The following NPAS3 variants were observed in gnomAD, a reference collection of about 807,000 sequenced individuals.
The protein encoded by NPAS3 is neuronal PAS domain protein 3.
A neutral mutation model predicts 73.1 loss-of-function variants in NPAS3; 14 were observed. The ratio of observed to expected loss-of-function variants is 0.19; its 90% CI spans 0.13 to 0.30. NPAS3 has a LOEUF of 0.30. NPAS3 is among the 10% of genes least tolerant of loss of function. The pLI, the probability that NPAS3 is intolerant of heterozygous loss-of-function variation, is 1.00. For synonymous variants in NPAS3, 620 were observed against 541.5 expected (o/e 1.14, Z -2.01); for missense variants, 1,096 against 1,250.0 (o/e 0.88, Z 1.86).
chr14:33,796,733 C>T (rs542259291), intron 10 of NPAS3, among the ~76,000 whole-genome samples: 1 of 152,294 alleles, frequency 6.6e-6, no homozygotes, highest in Non-Finnish European at 1.5e-5. Context: ...TCCAAAAGAG[C>T]CTTGTTTCCA....
At chr14:33,314,660 A>G (rs1235754348) in intron 3 of NPAS3, among the ~76,000 whole-genome samples, 1 of 152,062 alleles carries the variant, frequency 6.6e-6, no homozygotes, top group African/African-American at 2.4e-5. Context: ...AGTCTGCATC[A>G]GGATATTAAA....
chr14:33,651,683 T>A (rs569796632), intron 5 of NPAS3, among the ~76,000 whole-genome samples: 2 of 151,260 alleles, frequency 1.3e-5, no homozygotes, highest in African/African-American at 4.9e-5. Flanking sequence ...ACATTAAGGA[T>A]AATAATACCC....
At chr14:33,051,511 A>G (rs2040711215) in intron 1 of NPAS3, among the ~76,000 whole-genome samples, 1 of 152,090 alleles carries the variant, frequency 6.6e-6, no homozygotes, top group South Asian at 2.1e-4. Context: ...ATGAATGTCC[A>G]CATCAGAACT....
At chr14:33,664,092 G>A (rs1300129196) in intron 5 of NPAS3, among the ~76,000 whole-genome samples, 1 of 151,554 alleles carries the variant, frequency 6.6e-6, no homozygotes, top group African/African-American at 2.4e-5. Context: ...CAAAGCTGGA[G>A]ACATCATGCC....
intron 2 of NPAS3, among the ~76,000 whole-genome samples, chr14:33,069,645 C>T (rs2041413850): frequency 6.6e-6 from 1 of 152,140 alleles, no homozygotes; most frequent in Non-Finnish European, 1.5e-5. Flanking sequence ...AGGATTTTCT[C>T]TTAGGATTTT....
intron 5 of NPAS3, among the ~76,000 whole-genome samples, chr14:33,601,021 A>G (rs1483432503): frequency 6.6e-6 from 1 of 152,120 alleles, no homozygotes; most frequent in Non-Finnish European, 1.5e-5. Flanking sequence ...GAACAGAAAC[A>G]TACGTGCTTC....
intron 5 of NPAS3, among the ~76,000 whole-genome samples, chr14:33,581,141 A>G (rs1355682188): frequency 6.6e-6 from 1 of 152,218 alleles, no homozygotes; most frequent in Non-Finnish European, 1.5e-5. Flanking sequence ...CTGTTGATGA[A>G]CACAAGCGAA....
chr14:33,585,746 G>C lies in NPAS3; in HGVS notation c.558+25536G>C, dbSNP rs528176887. ...TCCTCATAATTTCTTTTAGTTTTCC[G>C]CTGAGAATCATGCTGGTGCCTAATG... On this transcript the variant is annotated intron_variant, in intron 5 of 11. Transcript: ENST00000356141. Among the ~76,000 whole-genome samples the C allele has an allele frequency of 3.7e-4, 56 of 152,142 alleles. 2 individuals carry two copies. The South Asian group carries it at 8.7e-3, about 24-fold the overall frequency.
At chr14:33,573,474 G>T (rs1285942292) in intron 5 of NPAS3, among the ~76,000 whole-genome samples, 1 of 152,200 alleles carries the variant, frequency 6.6e-6, no homozygotes, top group Non-Finnish European at 1.5e-5. Context: ...AAGATAGAAT[G>T]TGGATGACTA....
intron 4 of NPAS3, among the ~76,000 whole-genome samples, chr14:33,423,643 A>G (rs1267714427): frequency 6.6e-6 from 1 of 152,018 alleles, no homozygotes; most frequent in Non-Finnish European, 1.5e-5. Flanking sequence ...AACACTTATT[A>G]TATGCCAGGC....
rs369565240 is a variant in NPAS3, at chr14:33,249,907, T to TACACACAC, written c.385+34504_385+34511dup. On this transcript the variant is annotated intron_variant, in intron 3 of 11. Transcript: ENST00000356141. ...AACGCGTTTGGAAGCAAATCTGTCA[T>TACACACAC]ACACACACACACACACACACACACA... 1.3e-4 allele frequency among the ~76,000 whole-genome samples: 19 copies of TACACACAC among 147,066 alleles called. No individual in the cohort carries two copies. The South Asian group carries it at 1.7e-3, about 13-fold the overall frequency.
At chr14:32,974,710 G>A (rs1428877012) in intron 1 of NPAS3, among the ~76,000 whole-genome samples, 3 of 152,018 alleles carry the variant, frequency 2.0e-5, no homozygotes, top group African/African-American at 7.2e-5. Flanking sequence ...GAAGGGTGAG[G>A]GTACCTGGAG....
chr14:33,670,011 G>T (rs2059566709), intron 5 of NPAS3, among the ~76,000 whole-genome samples: 1 of 152,084 alleles, frequency 6.6e-6, no homozygotes, highest in Non-Finnish European at 1.5e-5. Flanking sequence ...GGCCTCCCAG[G>T]CTCCAGCGAT....
Position 32,952,602 on chromosome 14 carries a change from A to T in NPAS3, c.50+13236A>T, listed in dbSNP as rs572180567. ...AGTGACATTGTTTTAGAAAAAAAAAATTTAATTTTATCACAACATTGAGTA... is the reference window on the plus strand; with the variant it reads ...AGTGACATTGTTTTAGAAAAAAAAATTTTAATTTTATCACAACATTGAGTA... On this transcript the variant is annotated intron_variant, in intron 1 of 11. Transcript: ENST00000356141. 3.3e-5 allele frequency among the ~76,000 whole-genome samples: 5 copies of T among 152,164 alleles called. No homozygotes were observed. In the South Asian group the frequency reaches 8.3e-4, roughly 25 times the overall value.
At chr14:32,941,638 A>T (rs1271227495) in intron 1 of NPAS3, among the ~76,000 whole-genome samples, 1 of 151,946 alleles carries the variant, frequency 6.6e-6, no homozygotes, top group African/African-American at 2.4e-5. Flanking sequence ...AAGTTGTAGG[A>T]GGATATACTG....
At chr14:33,783,568 T>G (rs1454224946) in intron 9 of NPAS3, among the ~76,000 whole-genome samples, 1 of 142,782 alleles carries the variant, frequency 7.0e-6, no homozygotes, top group Non-Finnish European at 1.5e-5. Context: ...TGAATTTGTA[T>G]TATTTTGTCT....
chr14:32,939,934 G>T (rs2035912929), intron 1 of NPAS3, among the ~76,000 whole-genome samples: 1 of 152,262 alleles, frequency 6.6e-6, no homozygotes, highest in South Asian at 2.1e-4. Context: ...GAGCAGCTAG[G>T]CCGGGCCGAG....
chr14:33,317,099 G>A (rs984744831), intron 3 of NPAS3, among the ~76,000 whole-genome samples: 19 of 152,052 alleles, frequency 1.2e-4, no homozygotes, highest in Non-Finnish European at 2.1e-4. Context: ...AGCCAAACAG[G>A]TTACAGTGAA....
chr14:33,749,489 C>T (rs1055468473), intron 7 of NPAS3, among the ~76,000 whole-genome samples: 2 of 152,120 alleles, frequency 1.3e-5, no homozygotes, highest in African/African-American at 2.4e-5. Flanking sequence ...AATTGTCAAA[C>T]TCCTCAAAGA....
Sources: gnomAD v4.1 joint callset for allele counts (sites outside exome capture counted in the v4.1 genomes callset) on GRCh38, gnomAD v4.1.1 for gene constraint, MANE v1.5 for transcripts, NCBI Gene and HGNC (gene_info 2026-07-23, HGNC 2026-07-21) for gene names.